CPLANE1: variants seen among roughly 807,000 people sequenced by gnomAD.
CPLANE1 encodes ciliogenesis and planar polarity effector 1.
CPLANE1 carries 263 observed loss-of-function variants against 362.5 expected under a neutral mutation model. The ratio of observed to expected loss-of-function variants is 0.73; its 90% CI spans 0.66 to 0.80. CPLANE1 has a LOEUF of 0.80. CPLANE1 is among the 30% of genes least tolerant of loss of function. The pLI, the probability that CPLANE1 is intolerant of heterozygous loss-of-function variation, is 0.00. For missense variants in CPLANE1, 3,461 were observed against 3,793.4 expected (o/e 0.91, Z 2.30); for synonymous variants, 1,212 against 1,302.6 (o/e 0.93, Z 1.50).
intron 21 of CPLANE1, among the ~76,000 whole-genome samples, chr5:37,189,674 T>C (rs576933404): frequency 1.5e-4 from 23 of 152,172 alleles, no homozygotes; most frequent in Non-Finnish European, 3.1e-4. Flanking sequence ...CTCAATCATC[T>C]TTTTAAAATA....
intron 12 of CPLANE1, among the ~76,000 whole-genome samples, chr5:37,225,106 T>C (rs1035731499): frequency 2.0e-5 from 3 of 151,824 alleles, no homozygotes; most frequent in African/African-American, 7.3e-5. Context: ...GGTCTTGCTC[T>C]GTTGCCAGGC....
the CPLANE1 span, among the ~76,000 whole-genome samples, chr5:37,090,931 C>T: frequency 6.6e-5 from 10 of 152,176 alleles, no homozygotes; most frequent in Non-Finnish European, 8.8e-5. Context: ...ATTTTTATCA[C>T]ACACATTCCA....
chr5:37,132,490 G>A lies in CPLANE1; in HGVS notation c.8792+6230C>T, dbSNP rs529454287. Among the ~76,000 whole-genome samples the A allele has an allele frequency of 9.2e-5, 14 of 151,862 alleles. No individual in the cohort carries two copies. The East Asian group carries it at 1.9e-3, about 21-fold the overall frequency. On this transcript the variant is annotated intron_variant, in intron 46 of 52. Coordinates refer to ENST00000651892, the MANE Select transcript of CPLANE1 (RefSeq NM_001384732.1). ...CTCCCGAGTAGCTGGGACTACAGGCGCCCGCCACCACGCCCGGCTAATTTT... is the reference window on the plus strand; with the variant it reads ...CTCCCGAGTAGCTGGGACTACAGGCACCCGCCACCACGCCCGGCTAATTTT...
Position 37,125,272 on chromosome 5 carries a change from T to C in CPLANE1, c.8930A>G (p.His2977Arg), listed in dbSNP as rs767695592. 70 of 1,613,858 alleles carry C rather than the reference T, an allele frequency of 4.3e-5. No individual in the cohort carries two copies. The highest frequency in any genetic ancestry group is 5.5e-5 in the Non-Finnish European group (65 of 1,179,996). ...NELAEKRGQE[H>R]DPFCPRSNPL... is the part of the protein sequence containing the mutation. ...ATTGCTTCTGGGACAGAAAGGATCATGTTCTTGCCCTCTCTTTTCTGCCAG... is the reference window on the plus strand; with the variant it reads ...ATTGCTTCTGGGACAGAAAGGATCACGTTCTTGCCCTCTCTTTTCTGCCAG... Residue 2977 changes from histidine (H) to arginine (R), a missense_variant, in exon 47 of 53, where the codon CAT (histidine) becomes CGT (arginine). Transcript: ENST00000651892.
chr5:37,222,658 C>A (rs891404336), intron 14 of CPLANE1, among the ~76,000 whole-genome samples: 1 of 152,182 alleles, frequency 6.6e-6, no homozygotes, highest in African/African-American at 2.4e-5. Context: ...CTTTTCTATA[C>A]CCAGAACTTC....
chr5:37,146,264 C>T (rs1047064117), intron 43 of CPLANE1, among the ~76,000 whole-genome samples: 4 of 152,096 alleles, frequency 2.6e-5, no homozygotes, highest in East Asian at 3.9e-4. Flanking sequence ...CTGCAAGCTC[C>T]GCCTCCTGAG....
chr5:37,238,494 T>C (rs1327120146), intron 8 of CPLANE1, among the ~76,000 whole-genome samples: 63 of 138,802 alleles, frequency 4.5e-4, no homozygotes, highest in African/African-American at 1.7e-3. Flanking sequence ...TTTCTTTTTT[T>C]TTTTTTTTTT....
chr5:37,163,840 C>G, intron 37 of CPLANE1, among the ~76,000 whole-genome samples: 1 of 152,178 alleles, frequency 6.6e-6, no homozygotes, highest in East Asian at 1.9e-4. Flanking sequence ...ACTGCCACTT[C>G]TGGGAAAGAG....
At chr5:37,085,235 A>G in the CPLANE1 span, 9 of 845,892 alleles carry the variant, frequency 1.1e-5, no homozygotes. Context: ...CAGGAGATGA[A>G]GTAAAGATTT....
At chr5:37,108,529 A>G in intron 51 of CPLANE1, 58 bp from the exon 52 acceptor site, 2 of 1,458,200 alleles carry the variant, frequency 1.4e-6, no homozygotes, top group South Asian at 1.3e-5. Context: ...TCATTCATTC[A>G]TTTGTTAATT....
intron 16 of CPLANE1, chr5:37,212,122 G>A: frequency 1.0e-6 from 1 of 967,026 alleles, no homozygotes; most frequent in South Asian, 1.3e-5. Context: ...TATCAGGAAA[G>A]GAGGATGACT....
chr5:37,139,341 T>A lies in CPLANE1; in HGVS notation c.8662A>T (p.Ser2888Cys). The change falls in exon 45 of 53, where the codon AGT becomes TGT. Residue 2888 changes from serine to cysteine, a missense_variant and splice_region_variant. By Grantham distance (112) the Ser-to-Cys change is moderately radical (BLOSUM62 -1). Around this residue, in one of 2 missense-constraint regions of CPLANE1, gnomAD observed 3,380 missense variants for 3,666.1 expected, o/e 0.92. Coordinates refer to ENST00000651892, the MANE Select transcript of CPLANE1 (RefSeq NM_001384732.1). ...GMNSSDELCE[S>C]VSVHPLQMTG... ...TGAATTAACTCTTAAGATATTTACCTCTCACACAATTCATCACTGCTATTC... is the reference window on the plus strand; with the variant it reads ...TGAATTAACTCTTAAGATATTTACCACTCACACAATTCATCACTGCTATTC... The A allele has an allele frequency of 7.7e-7, 1 of 1,298,918 alleles. No homozygotes were observed. Among genetic ancestry groups the A allele is most frequent in the Non-Finnish European group, 1.1e-6 (1 of 943,778 alleles). 80.5% of individuals were successfully genotyped at this position (1,298,918 alleles called of 1,614,324 possible).
At chr5:37,094,832 G>A in the CPLANE1 span, among the ~76,000 whole-genome samples, 1 of 152,118 alleles carries the variant, frequency 6.6e-6, no homozygotes, top group South Asian at 2.1e-4. Flanking sequence ...AGAAAACCCA[G>A]AAGAGATGCA....
the CPLANE1 span, among the ~76,000 whole-genome samples, chr5:37,099,311 C>T: frequency 2.0e-5 from 3 of 152,116 alleles, no homozygotes; most frequent in East Asian, 1.9e-4. Context: ...GGCCCCAGTG[C>T]GTGTTGTTCC....
intron 42 of CPLANE1, among the ~76,000 whole-genome samples, chr5:37,148,580 G>A: frequency 6.6e-6 from 1 of 152,274 alleles, no homozygotes; most frequent in East Asian, 1.9e-4. Context: ...GAGATTCAAT[G>A]ACTTTTTTAG....
At chr5:37,096,353 T>A in the CPLANE1 span, among the ~76,000 whole-genome samples, 2 of 152,126 alleles carry the variant, frequency 1.3e-5, no homozygotes. Context: ...GCTAGTCACA[T>A]GTAGGAAAAT....
intron 46 of CPLANE1, among the ~76,000 whole-genome samples, chr5:37,137,236 A>G (rs1767988831): frequency 6.6e-6 from 1 of 152,224 alleles, no homozygotes; most frequent in African/African-American, 2.4e-5. Context: ...AAATGCTACC[A>G]GTCTCGTTGC....
At chr5:37,078,241 A>G in the CPLANE1 span, among the ~76,000 whole-genome samples, 1 of 151,152 alleles carries the variant, frequency 6.6e-6, no homozygotes, top group Admixed American at 6.6e-5. Context: ...TGTTCCCCCT[A>G]TGTGTCCATG....
Position 37,183,059 on chromosome 5 carries a change from T to A in CPLANE1, c.5122A>T (p.Thr1708Ser). 1 of 1,613,348 alleles carries A rather than the reference T, an allele frequency of 6.2e-7. No homozygotes were observed. Among genetic ancestry groups the A allele is most frequent in the Non-Finnish European group, 8.5e-7 (1 of 1,179,912 alleles). Residue 1708 changes from threonine to serine, a missense_variant, in exon 26 of 53, where the codon ACT (threonine) becomes TCT (serine). Physicochemically the swap from Thr to Ser is moderately conservative, Grantham distance 58. This residue lies in a region of CPLANE1 where 3,380 missense variants were observed against 3,666.1 expected (regional missense o/e 0.92). Coordinates refer to ENST00000651892, the MANE Select transcript of CPLANE1 (RefSeq NM_001384732.1). The stretch of plus-strand genomic sequence containing the variant: ...CTTCTAGTTTTAATGGACTTGGGAG[T>A]CCAAAAAATGTGGTTTGATGATCTC... Reference protein sequence around the residue: ...IQRSSNHIFWTPKSIKTRRCI... With the variant: ...IQRSSNHIFWSPKSIKTRRCI...
Sources: gnomAD v4.1 joint callset for allele counts (sites outside exome capture counted in the v4.1 genomes callset) on GRCh38, gnomAD v4.1.1 for gene constraint, gnomAD v4.1.1 regional missense constraint, MANE v1.5 for transcripts, NCBI Gene and HGNC (gene_info 2026-07-23, HGNC 2026-07-21) for gene names.